Variants in WDR35 observed in about 807,000 individuals in gnomAD.
WDR35 encodes the protein WD repeat domain 35.
A neutral mutation model predicts 158.3 loss-of-function variants in WDR35; 118 were observed. The observed-to-expected ratio is 0.75, with a 90% CI of 0.64 to 0.87. The LOEUF (loss-of-function observed/expected upper bound fraction) is 0.87, where lower values mean the gene tolerates loss of function less well. Among genes scored for constraint, WDR35 ranks in the 40% least tolerant of loss-of-function variants. The probability of loss-of-function intolerance (pLI) is 0.00; values close to 1 mark genes in which losing one functional copy is unlikely to be tolerated. For synonymous variants in WDR35, 448 were observed against 476.1 expected (o/e 0.94, Z 0.77); for missense variants, 1,263 against 1,405.8 (o/e 0.90, Z 1.62).
rs1671057080 is a variant in WDR35, at chr2:19,946,480, AT to A, written c.1614del (p.Leu538PhefsTer3). 3 of 1,613,614 alleles carry A rather than the reference AT, an allele frequency of 1.9e-6. No homozygotes were observed. The highest frequency in any genetic ancestry group is 2.5e-6 in the Non-Finnish European group (3 of 1,179,676). On this transcript the variant is annotated frameshift_variant, in exon 15 of 27. Coordinates refer to ENST00000281405, the MANE Select transcript of WDR35 (RefSeq NM_020779.4). LOFTEE classifies it high-confidence loss of function. ...GCTTACCTAGAGTTGCAATTCAAGG[AT>A]AACTGGTAGGCTCGACAATTAAGGG... ...KYSLNCRAYQ[L>X]SLNCNSSRLA...
intron 8 of WDR35, 79 bp from the exon 9 acceptor site, chr2:19,969,684 T>G: frequency 6.9e-7 from 1 of 1,440,930 alleles, no homozygotes; most frequent in South Asian, 1.2e-5. Context: ...TTCACAGAGA[T>G]CAAAAGTGGT....
At chr2:19,923,382 A>G (rs893921248) in intron 25 of WDR35, among the ~76,000 whole-genome samples, 1 of 152,320 alleles carries the variant, frequency 6.6e-6, no homozygotes, top group Admixed American at 6.5e-5. Context: ...GTGAGTAAGA[A>G]GGGGAGCTCG....
chr2:19,917,911 C>T (rs928438836), intron 25 of WDR35, among the ~76,000 whole-genome samples: 5 of 152,070 alleles, frequency 3.3e-5, no homozygotes, highest in African/African-American at 9.7e-5. Context: ...AGATACTCCT[C>T]GAGAACAGCA....
At chr2:19,931,129 C>A (rs1364419222) in intron 24 of WDR35, 140 bp downstream of exon 24, 3 of 1,012,478 alleles carry the variant, frequency 3.0e-6, no homozygotes, top group Non-Finnish European at 4.2e-6. Context: ...ATCAGTCATT[C>A]TTTTTCTTCA....
intron 13 of WDR35, 56 bp from the exon 14 acceptor site, chr2:19,948,273 C>T (rs1269281877): frequency 3.7e-5 from 55 of 1,483,300 alleles, no homozygotes; most frequent in Non-Finnish European, 5.1e-5. Context: ...AATAACTAAC[C>T]TGGTACAACG....
chr2:19,912,142 C>T lies in WDR35; in HGVS notation c.*1416G>A, dbSNP rs1408268685. 2 of 152,246 alleles carry T rather than the reference C, an allele frequency of 1.3e-5. No homozygotes were observed. The highest frequency in any genetic ancestry group is 2.9e-5 in the Non-Finnish European group (2 of 68,058). 9.4% of individuals were successfully genotyped at this position (152,246 alleles called of 1,614,324 possible). On this transcript the variant is annotated 3_prime_UTR_variant, in exon 27 of 27. Transcript: ENST00000281405. ...TGTTGCGGTCTTTCCACTCCACTGG[C>T]ACGTTACACTAACAGTGTTAATCTA...
chr2:19,938,604 G>C (rs1458452105), intron 17 of WDR35, among the ~76,000 whole-genome samples: 5 of 152,116 alleles, frequency 3.3e-5, no homozygotes, highest in Admixed American at 6.6e-5. Context: ...TACCTCTGAG[G>C]CAATCAGGCG....
At chr2:19,931,600 G>C (rs1670528377) in intron 23 of WDR35, among the ~76,000 whole-genome samples, 191 bp from the exon 24 acceptor site, 1 of 152,004 alleles carries the variant, frequency 6.6e-6, no homozygotes, top group African/African-American at 2.4e-5. Flanking sequence ...TTCGTATTTA[G>C]TTCTTTCCTT....
chr2:19,975,789 G>A, intron 5 of WDR35, 126 bp from the exon 6 acceptor site: 1 of 1,297,806 alleles, frequency 7.7e-7, no homozygotes, highest in Non-Finnish European at 1.1e-6. Flanking sequence ...CAATTTATTT[G>A]GCCAATAAAT....
chr2:19,968,029 C>A (rs1671912159), intron 9 of WDR35, among the ~76,000 whole-genome samples: 1 of 152,114 alleles, frequency 6.6e-6, no homozygotes, highest in African/African-American at 2.4e-5. Flanking sequence ...TCTTTCCTTG[C>A]TTTTCATGAC....
At chr2:19,957,243 T>C (rs1021561942) in intron 11 of WDR35, among the ~76,000 whole-genome samples, 1 of 152,228 alleles carries the variant, frequency 6.6e-6, no homozygotes. Context: ...TAGGATTTTA[T>C]AATAAAACCA....
intron 14 of WDR35, among the ~76,000 whole-genome samples, chr2:19,947,255 G>A (rs1407350750): frequency 3.3e-5 from 5 of 152,166 alleles, no homozygotes; most frequent in African/African-American, 1.2e-4. Context: ...CCTCCACACA[G>A]CTGATCTTTA....
chr2:19,934,024 AACCACCACC>A lies in WDR35; in HGVS notation c.2548-522_2548-514del, dbSNP rs57759587. ...TTGGAAAGTGGTGGCAGCGAGGAAGAACCACCACCACCACCACCACCACCACCACCACCA... is the reference window on the plus strand; with the variant it reads ...TTGGAAAGTGGTGGCAGCGAGGAAGAACCACCACCACCACCACCACCACCA... On this transcript the variant is annotated intron_variant, in intron 21 of 26. Coordinates refer to ENST00000281405, the MANE Select transcript of WDR35 (RefSeq NM_020779.4). The surrounding 1 kb of genome is among the most constrained non-coding windows in gnomAD (Gnocchi z 4.6). Among the ~76,000 whole-genome samples, 10,508 of 105,044 alleles carry A rather than the reference AACCACCACC, an allele frequency of 0.1. 707 individuals carry two copies. Among genetic ancestry groups the A allele is most frequent in the South Asian group, 0.25 (736 of 2,988 alleles). 68.9% of individuals were successfully genotyped at this position (105,044 alleles called of 152,430 possible).
At position 19,910,506 on chromosome 2, in the gene WDR35, A is replaced by G. The variant is rs1669797975; in HGVS notation, c.*3052T>C. 2 of 152,174 alleles carry G rather than the reference A, an allele frequency of 1.3e-5. No individual in the cohort carries two copies. The highest frequency in any genetic ancestry group is 2.9e-5 in the Non-Finnish European group (2 of 68,034). 9.4% of individuals were successfully genotyped at this position (152,174 alleles called of 1,614,324 possible). ...TTTCAATATTTTGGCCCACCACACCACTTTGAAACATGTAATGAAGGGCAA... is the reference window on the plus strand; with the variant it reads ...TTTCAATATTTTGGCCCACCACACCGCTTTGAAACATGTAATGAAGGGCAA... On this transcript the variant is annotated 3_prime_UTR_variant, in exon 27 of 27. Coordinates refer to ENST00000281405, the MANE Select transcript of WDR35 (RefSeq NM_020779.4).
chr2:19,935,622 A>G lies in WDR35; in HGVS notation c.2415-19T>C. On this transcript the variant is annotated intron_variant, in intron 20 of 26. Transcript: ENST00000281405. ...ATTCAACCTACAGAAAGAAAAAAGG[A>G]AAAACTTTTAAAACTAATGTGAATC... The G allele has an allele frequency of 6.2e-7, 1 of 1,607,824 alleles. No individual in the cohort carries two copies. Among genetic ancestry groups the G allele is most frequent in the Non-Finnish European group, 8.5e-7 (1 of 1,179,006 alleles).
rs1478096528 is a variant in WDR35, at chr2:19,969,577, T to C, written c.911A>G (p.Lys304Arg). 1 of 1,613,912 alleles carries C rather than the reference T, an allele frequency of 6.2e-7. No homozygotes were observed. Among genetic ancestry groups the C allele is most frequent in the Non-Finnish European group, 8.5e-7 (1 of 1,179,934 alleles). ...EHLGTLKVPG[K>R]EISALSWEGG... ...TTCCCAAGATAGTGCAGATATTTCC[T>C]TTCCAGGAACTTTCAAAGTACCCAG... Residue 304 changes from lysine (K) to arginine (R), a missense_variant, in exon 9 of 27, where the codon AAG (lysine) becomes AGG (arginine). Physicochemically the swap from Lys to Arg is conservative, Grantham distance 26. Coordinates refer to ENST00000281405, the MANE Select transcript of WDR35 (RefSeq NM_020779.4).
At position 19,910,489 on chromosome 2, in the gene WDR35, T is replaced by C. The variant is rs1669797479; in HGVS notation, c.*3069A>G. On this transcript the variant is annotated 3_prime_UTR_variant, in exon 27 of 27. Coordinates refer to ENST00000281405, the MANE Select transcript of WDR35 (RefSeq NM_020779.4). ...ATCAGTCAGTTCCATCATTTCAATA[T>C]TTTGGCCCACCACACCACTTTGAAA... The C allele has an allele frequency of 6.6e-6, 1 of 152,166 alleles. No homozygotes were observed. The allele number at this position is 152,166 out of a possible 1,614,324, so 9.4% of individuals were successfully genotyped here.
rs1572362839 is a variant in WDR35 at position 19,975,574 on chromosome 2, C to T, written c.526G>A (p.Ala176Thr). Residue 176 changes from alanine to threonine, a missense_variant, in exon 6 of 27, where the codon GCA becomes ACA. Transcript: ENST00000281405. Reference sequence around the variant, plus strand: ...TCGTAAATGTGTATTTCCCCATTTGCCATTCCAAAAAGTAAGACTTTACTG... The same window carrying T: ...TCGTAAATGTGTATTTCCCCATTTGTCATTCCAAAAAGTAAGACTTTACTG... ...ADSKVLLFGM[A>T]NGEIHIYDNQ... 1 of 1,613,902 alleles carries T rather than the reference C, an allele frequency of 6.2e-7. No individual in the cohort carries two copies.
Position 19,962,412 on chromosome 2 carries a change from G to A in WDR35, c.1195-1798C>T. The A allele has an allele frequency of 5.1e-6, 7 of 1,362,420 alleles. No homozygotes were observed. In the South Asian group the frequency reaches 8.2e-5, roughly 16 times the overall value. The allele number at this position is 1,362,420 out of a possible 1,614,324, so 84.4% of individuals were successfully genotyped here. On this transcript the variant is annotated intron_variant, in intron 10 of 26. Transcript: ENST00000281405. ...GACATGACTCAACCTAATGAAAGTG[G>A]CTTATATACAAATAATCATCAATGA...
Sources: allele counts gnomAD v4.1 joint callset (sites outside exome capture counted in the v4.1 genomes callset), GRCh38; gene constraint gnomAD v4.1.1; non-coding constraint Gnocchi (gnomAD v3.1); transcripts MANE v1.5; gene names NCBI Gene and HGNC (gene_info 2026-07-23, HGNC 2026-07-21).